SEMA5A: variants seen among roughly 807,000 people sequenced by gnomAD.
The protein encoded by SEMA5A is semaphorin 5A.
In SEMA5A, 55 loss-of-function variants were observed where a neutral mutation model predicts 135.5. That is an observed-to-expected ratio of 0.41 (90% CI 0.33 to 0.51). The LOEUF (loss-of-function observed/expected upper bound fraction) is 0.51. Ranked by LOEUF, SEMA5A falls within the 20% of genes least tolerant of loss-of-function variation. The probability of loss-of-function intolerance (pLI) is 0.37; values close to 1 mark genes in which losing one functional copy is unlikely to be tolerated. For missense variants in SEMA5A, 1,290 were observed against 1,419.9 expected (o/e 0.91, Z 1.47); for synonymous variants, 580 against 546.5 (o/e 1.06, Z -0.85).
intron 1 of SEMA5A, among the ~76,000 whole-genome samples, chr5:9,500,569 T>C (rs1412868441): frequency 6.6e-6 from 1 of 152,190 alleles, no homozygotes; most frequent in Non-Finnish European, 1.5e-5. Flanking sequence ...CATGCTGATG[T>C]CACACAATGG....
chr5:9,442,910 A>G (rs1758291929), intron 1 of SEMA5A, among the ~76,000 whole-genome samples: 1 of 152,256 alleles, frequency 6.6e-6, no homozygotes, highest in South Asian at 2.1e-4. Context: ...GAATTTTCTC[A>G]GTAGGAATGA....
chr5:9,402,083 C>G (rs1756681898), intron 2 of SEMA5A, among the ~76,000 whole-genome samples: 1 of 152,226 alleles, frequency 6.6e-6, no homozygotes, highest in Admixed American at 6.5e-5. Flanking sequence ...CTAAACCATA[C>G]TTCTTTGGCC....
At chr5:9,308,091 T>C (rs1751955530) in intron 5 of SEMA5A, among the ~76,000 whole-genome samples, 1 of 152,160 alleles carries the variant, frequency 6.6e-6, no homozygotes, top group African/African-American at 2.4e-5. Flanking sequence ...CTAGTGTCTG[T>C]TCGGTCAGAG....
intron 4 of SEMA5A, among the ~76,000 whole-genome samples, chr5:9,335,370 A>T (rs1183336884): frequency 6.6e-6 from 1 of 152,164 alleles, no homozygotes; most frequent in Non-Finnish European, 1.5e-5. Flanking sequence ...GGAGCATAAG[A>T]CATCTCTTCA....
chr5:9,190,660 T>C (rs1343902467), intron 10 of SEMA5A, among the ~76,000 whole-genome samples, 189 bp from the exon 11 acceptor site: 2 of 152,180 alleles, frequency 1.3e-5, no homozygotes, highest in Admixed American at 6.5e-5. Context: ...ATGTTAGATT[T>C]GAACTCATAT....
chr5:9,153,832 G>A (rs1742771413), intron 12 of SEMA5A, among the ~76,000 whole-genome samples: 1 of 151,638 alleles, frequency 6.6e-6, no homozygotes, highest in African/African-American at 2.4e-5. Flanking sequence ...GATCACTTGA[G>A]GTCAGGAGTT....
chr5:9,443,184 C>T (rs993484159), intron 1 of SEMA5A, among the ~76,000 whole-genome samples: 2 of 152,164 alleles, frequency 1.3e-5, no homozygotes, highest in Admixed American at 6.5e-5. Context: ...TTGGATAAAT[C>T]GACAGTGGAC....
At chr5:9,227,602 G>A (rs569733536) in intron 6 of SEMA5A, among the ~76,000 whole-genome samples, 32 of 150,962 alleles carry the variant, frequency 2.1e-4, no homozygotes, top group Admixed American at 2.0e-4. Flanking sequence ...CCAGGCTGGA[G>A]TGCCGTGGTG....
chr5:9,250,809 T>C (rs944176019), intron 5 of SEMA5A, among the ~76,000 whole-genome samples: 4 of 152,182 alleles, frequency 2.6e-5, no homozygotes, highest in African/African-American at 9.7e-5. Context: ...CTTACAACTC[T>C]TGACTTCCAA....
At chr5:9,518,924 AT>A (rs906046877) in intron 1 of SEMA5A, among the ~76,000 whole-genome samples, 265 of 151,778 alleles carry the variant, frequency 1.7e-3, no homozygotes, top group African/African-American at 6.1e-3. Context: ...AGAGCAGAAA[AT>A]TTTTTTTTAA....
In SEMA5A at chr5:9,415,302, G is replaced by C. The variant is rs1355191263; in HGVS notation, c.-78+22454C>G. On this transcript the variant is annotated intron_variant, in intron 2 of 22. Transcript: ENST00000382496. Reference sequence around the variant, plus strand: ...ATTCCTGGGAACTGCTCAGCATCTGGGGTTGCTGGATTTTAAGATGGAGTT... The same window carrying C: ...ATTCCTGGGAACTGCTCAGCATCTGCGGTTGCTGGATTTTAAGATGGAGTT... Among the ~76,000 whole-genome samples the C allele has an allele frequency of 2.0e-5, 3 of 152,238 alleles. No homozygotes were observed. The East Asian group carries it at 5.8e-4, about 29-fold the overall frequency.
intron 3 of SEMA5A, among the ~76,000 whole-genome samples, chr5:9,374,353 G>A (rs971258656): frequency 2.0e-4 from 30 of 147,414 alleles, no homozygotes; most frequent in African/African-American, 6.8e-4. Context: ...GCATGAAGAC[G>A]TTCCGTTACC....
rs1250846567 is a variant in SEMA5A, at chr5:9,087,566, AT to A, written c.2073+20573del. ...ATTTATTTATTTTATATTTATATTT[AT>A]TTTTCCTAATGCATGCTGTACATAC... is the stretch of plus-strand genomic sequence containing the variant. On this transcript the variant is annotated intron_variant, in intron 16 of 22. Coordinates refer to ENST00000382496, the MANE Select transcript of SEMA5A (RefSeq NM_003966.3). Among the ~76,000 whole-genome samples the A allele has an allele frequency of 5.9e-5, 9 of 151,442 alleles. No individual in the cohort carries two copies. In the East Asian group the frequency reaches 1.7e-3, roughly 29 times the overall value.
chr5:9,422,520 G>A (rs1307037166), intron 2 of SEMA5A: 1 of 152,168 alleles, frequency 6.6e-6, no homozygotes, highest in Non-Finnish European at 1.5e-5. Context: ...ATTGTAGGTA[G>A]TATCAAAGTT....
chr5:9,182,849 T>C (rs1229249079), intron 11 of SEMA5A, among the ~76,000 whole-genome samples: 1 of 152,156 alleles, frequency 6.6e-6, no homozygotes, highest in Non-Finnish European at 1.5e-5. Flanking sequence ...CCAGGATGTA[T>C]AGATAGTAAT....
intron 8 of SEMA5A, among the ~76,000 whole-genome samples, chr5:9,202,614 A>G (rs931037910): frequency 6.6e-6 from 1 of 152,238 alleles, no homozygotes; most frequent in African/African-American, 2.4e-5. Flanking sequence ...GGGAGAAAAT[A>G]TGATTAAAAA....
At chr5:9,119,242 C>CAG in intron 14 of SEMA5A, 101 bp from the exon 15 acceptor site, 2 of 1,409,340 alleles carry the variant, frequency 1.4e-6, no homozygotes, top group Non-Finnish European at 2.0e-6. Context: ...AGGAGGATCA[C>CAG]GCTTGGGGCT....
At chr5:9,451,796 G>A (rs145001755) in intron 1 of SEMA5A, among the ~76,000 whole-genome samples, 2 of 152,294 alleles carry the variant, frequency 1.3e-5, no homozygotes, top group East Asian at 1.9e-4. Flanking sequence ...TCTCTGCTGT[G>A]AACCTGGGGC....
In SEMA5A at chr5:9,042,809, G is replaced by A. The variant is rs919345773; in HGVS notation, c.*88C>T. ...TGCACTTGAAATGTATCCAAACTTC[G>A]ACTCTGAAGCCTCAGAAACATGGGC... is the stretch of plus-strand genomic sequence containing the variant. On this transcript the variant is annotated 3_prime_UTR_variant, in exon 23 of 23. Transcript: ENST00000382496. 16 of 1,511,448 alleles carry A rather than the reference G, an allele frequency of 1.1e-5. No individual in the cohort carries two copies. Among genetic ancestry groups the A allele is most frequent in the East Asian group, 9.1e-5 (4 of 43,990 alleles). The allele number at this position is 1,511,448 out of a possible 1,614,324, so 93.6% of individuals were successfully genotyped here.
Sources: allele counts gnomAD v4.1 joint callset (sites outside exome capture counted in the v4.1 genomes callset), GRCh38; gene constraint gnomAD v4.1.1; transcripts MANE v1.5; gene names NCBI Gene and HGNC (gene_info 2026-07-23, HGNC 2026-07-21).